Variants in DNAJC3 observed in about 807,000 individuals in gnomAD.
DNAJC3 encodes dnaJ homolog subfamily C member 3.
Under a neutral mutation model 68.6 loss-of-function variants are expected in DNAJC3, and 38 were observed. That is an observed-to-expected ratio of 0.55 (90% CI 0.43 to 0.73). The LOEUF (loss-of-function observed/expected upper bound fraction) is 0.73. Ranked by LOEUF, DNAJC3 falls within the 30% of genes least tolerant of loss-of-function variation. The pLI is 0.00. For missense variants in DNAJC3, 526 were observed against 591.9 expected (o/e 0.89, Z 1.16); for synonymous variants, 203 against 204.0 (o/e 1.00, Z 0.04).
chr13:95,766,701 T>C (rs1594016720), intron 9 of DNAJC3, among the ~76,000 whole-genome samples: 1 of 151,658 alleles, frequency 6.6e-6, no homozygotes, highest in Non-Finnish European at 1.5e-5. Flanking sequence ...TTATTCTATT[T>C]TTTTTTTTTT....
In DNAJC3 at chr13:95,677,352, G is replaced by A; in HGVS notation, c.82+15G>A. The A allele has an allele frequency of 1.9e-6, 3 of 1,575,748 alleles. No individual in the cohort carries two copies. Among genetic ancestry groups the A allele is most frequent in the Admixed American group, 1.8e-5 (1 of 55,932 alleles). ...GCAGTACGAAGGTGAGTCCTGCCCT[G>A]CCCCGGCCAGGAAGTGGGCTCCCGG... On this transcript the variant is annotated intron_variant, in intron 1 of 11. Transcript: ENST00000602402.
At chr13:95,780,448 G>A (rs958234640) in intron 9 of DNAJC3, among the ~76,000 whole-genome samples, 5 of 152,128 alleles carry the variant, frequency 3.3e-5, no homozygotes, top group African/African-American at 7.2e-5. Context: ...CAGGGTAAGC[G>A]CATACTCATA....
chr13:95,721,111 T>C (rs1470789282), intron 2 of DNAJC3, among the ~76,000 whole-genome samples: 1 of 152,228 alleles, frequency 6.6e-6, no homozygotes, highest in Non-Finnish European at 1.5e-5. Flanking sequence ...CTTCTGTCTC[T>C]ATTATTTGAA....
At chr13:95,698,151 A>G (rs1006103144) in intron 1 of DNAJC3, among the ~76,000 whole-genome samples, 2 of 151,454 alleles carry the variant, frequency 1.3e-5, no homozygotes, top group Non-Finnish European at 2.9e-5. Flanking sequence ...AGTATGCTCT[A>G]GGGTAGAGTC....
At position 95,757,239 on chromosome 13, in the gene DNAJC3, T is replaced by C. The variant is rs1045443926; in HGVS notation, c.394-405T>C. Among the ~76,000 whole-genome samples the C allele has an allele frequency of 2.0e-5, 3 of 152,308 alleles. No individual in the cohort carries two copies. The East Asian group carries it at 5.8e-4, about 29-fold the overall frequency. On this transcript the variant is annotated intron_variant, in intron 4 of 11. Transcript: ENST00000602402. ...CCTATGTGTTTCATTATTTTGGTTATTTTATACTTAAAAAAATACTTAGGA... is the reference window on the plus strand; with the variant it reads ...CCTATGTGTTTCATTATTTTGGTTACTTTATACTTAAAAAAATACTTAGGA...
intron 2 of DNAJC3, among the ~76,000 whole-genome samples, chr13:95,717,365 T>G (rs1189521917): frequency 6.6e-6 from 1 of 152,200 alleles, no homozygotes; most frequent in African/African-American, 2.4e-5. Flanking sequence ...GGACAAACAT[T>G]ACTGTTTACA....
intron 4 of DNAJC3, among the ~76,000 whole-genome samples, chr13:95,740,879 C>G (rs542064337): frequency 2.0e-5 from 3 of 152,336 alleles, no homozygotes; most frequent in African/African-American, 7.2e-5. Context: ...TCAGTGAATT[C>G]TTTAGTTCCA....
chr13:95,765,508 C>T (rs1882966160), intron 9 of DNAJC3, among the ~76,000 whole-genome samples: 1 of 150,108 alleles, frequency 6.7e-6, no homozygotes. Context: ...TTTGGGGAAA[C>T]CTGATGGCTT....
At chr13:95,722,077 C>T (rs1387243578) in intron 2 of DNAJC3, among the ~76,000 whole-genome samples, 2 of 152,052 alleles carry the variant, frequency 1.3e-5, no homozygotes, top group Admixed American at 1.3e-4. Flanking sequence ...TCTTTATATG[C>T]TTCTATTTCC....
Position 95,794,123 on chromosome 13 carries a change from C to G in DNAJC3, c.*3093C>G, listed in dbSNP as rs1190881723. The G allele has an allele frequency of 6.6e-6, 1 of 152,098 alleles. No homozygotes were observed. The highest frequency in any genetic ancestry group is 1.9e-4 in the East Asian group (1 of 5,190). The allele number at this position is 152,098 out of a possible 1,614,324, so 9.4% of individuals were successfully genotyped here. A position where few individuals can be genotyped will look rare whatever the true frequency, so the allele number is the denominator to read the frequency against. On this transcript the variant is annotated 3_prime_UTR_variant, in exon 12 of 12. Coordinates refer to ENST00000602402, the MANE Select transcript of DNAJC3 (RefSeq NM_006260.5). ...TTTCTCTTTAGTCAGTATTAAAAAT[C>G]TTTTTTAAAGTATTGGTATGAAAAC...
chr13:95,687,322 A>AT (rs1409600899), intron 1 of DNAJC3, among the ~76,000 whole-genome samples: 1 of 152,212 alleles, frequency 6.6e-6, no homozygotes, highest in Non-Finnish European at 1.5e-5. Flanking sequence ...GTGAAGAGAC[A>AT]TAATTTGACC....
intron 1 of DNAJC3, among the ~76,000 whole-genome samples, chr13:95,682,477 T>C (rs1323538481): frequency 6.6e-6 from 1 of 152,126 alleles, no homozygotes; most frequent in East Asian, 1.9e-4. Context: ...CCCCCACCTT[T>C]AAGTTTAAAA....
rs1190654113 is a variant in DNAJC3 at position 95,763,698 on chromosome 13, G to A, written c.904G>A (p.Ala302Thr). The A allele has an allele frequency of 6.2e-7, 1 of 1,614,032 alleles. No homozygotes were observed. Among genetic ancestry groups the A allele is most frequent in the Admixed American group, 1.7e-5 (1 of 60,030 alleles). The change falls in exon 8 of 12, where the codon GCT (alanine) becomes ACT (threonine). Residue 302 changes from alanine to threonine, a missense_variant. Coordinates refer to ENST00000602402, the MANE Select transcript of DNAJC3 (RefSeq NM_006260.5). ...TGTCATGAAAACAGAGCCAAGCATT[G>A]CTGAATATACAGTTCGTTCAAAGGA... is the stretch of plus-strand genomic sequence containing the variant. ...ESVMKTEPSI[A>T]EYTVRSKERI... is the part of the protein sequence containing the mutation.
intron 7 of DNAJC3, 67 bp from the exon 8 acceptor site, chr13:95,763,576 A>C (rs559126192): frequency 1.5e-4 from 217 of 1,463,106 alleles, no homozygotes; most frequent in Non-Finnish European, 1.8e-4. Flanking sequence ...TGAAGAGGGG[A>C]GGAGCCTTTC....
At chr13:95,776,057 GTGCCTGGCCTGCTGCACATCT>G (rs1883282937) in intron 9 of DNAJC3, among the ~76,000 whole-genome samples, 1 of 151,512 alleles carries the variant, frequency 6.6e-6, no homozygotes, top group African/African-American at 2.4e-5. Flanking sequence ...ACTCCTGGCT[GTGCCTGGCCTGCTGCACATCT>G]TTTGCCCCAG....
chr13:95,776,125 CT>C (rs1401589880), intron 9 of DNAJC3, among the ~76,000 whole-genome samples: 11 of 151,878 alleles, frequency 7.2e-5, no homozygotes, highest in African/African-American at 2.2e-4. Flanking sequence ...TTTCTGTCTT[CT>C]TTTTAAAAAT....
intron 1 of DNAJC3, among the ~76,000 whole-genome samples, chr13:95,691,672 C>A (rs1270099157): frequency 6.6e-6 from 1 of 152,230 alleles, no homozygotes; most frequent in East Asian, 1.9e-4. Flanking sequence ...GCAGAGGCTG[C>A]AATCTCGGCA....
chr13:95,677,963 C>G (rs1456884721), intron 1 of DNAJC3, among the ~76,000 whole-genome samples: 3 of 152,156 alleles, frequency 2.0e-5, no homozygotes, highest in Non-Finnish European at 2.9e-5. Flanking sequence ...TTTTACAACT[C>G]CCAACATGGT....
chr13:95,732,302 G>A (rs1881740561), intron 4 of DNAJC3, among the ~76,000 whole-genome samples: 1 of 152,136 alleles, frequency 6.6e-6, no homozygotes. Context: ...AATCCATCCA[G>A]TCCTGGGCTT....
Sources: gnomAD v4.1 joint callset for allele counts (sites outside exome capture counted in the v4.1 genomes callset) on GRCh38, gnomAD v4.1.1 for gene constraint, MANE v1.5 for transcripts, NCBI Gene and HGNC (gene_info 2026-07-23, HGNC 2026-07-21) for gene names.